FSD1L: variants seen among roughly 807,000 people sequenced by gnomAD.
The protein encoded by FSD1L is FSD1-like protein.
In FSD1L, 45 loss-of-function variants were observed where a neutral mutation model predicts 71.6. The observed-to-expected ratio is 0.63, with a 90% CI of 0.49 to 0.81. FSD1L has a LOEUF of 0.81. Ranked by LOEUF, FSD1L falls within the 30% of genes least tolerant of loss-of-function variation. The pLI is 0.00. For missense variants in FSD1L, 561 were observed against 618.1 expected, an observed-to-expected ratio of 0.91 and a Z score of 0.98; for synonymous variants, 197 against 207.2, an observed-to-expected ratio of 0.95 and a Z score of 0.42.
chr9:105,452,493 A>G (rs1418475846), intron 1 of FSD1L, among the ~76,000 whole-genome samples: 1 of 152,146 alleles, frequency 6.6e-6, no homozygotes, highest in Non-Finnish European at 1.5e-5. Context: ...TAGTTTTTTC[A>G]TTACCACGCT....
At chr9:105,497,932 C>T (rs1397006071) in intron 7 of FSD1L, among the ~76,000 whole-genome samples, 1 of 152,096 alleles carries the variant, frequency 6.6e-6, no homozygotes, top group Non-Finnish European at 1.5e-5. Flanking sequence ...CAGCCTTGAA[C>T]TCCTGGGCTC....
chr9:105,507,753 ATAC>A (rs891012740), intron 8 of FSD1L, among the ~76,000 whole-genome samples: 4 of 152,184 alleles, frequency 2.6e-5, no homozygotes, highest in African/African-American at 7.2e-5. Flanking sequence ...TCTGAGTGAA[ATAC>A]TACTTTTAAT....
At chr9:105,530,273 T>C (rs1327354) in intron 10 of FSD1L, among the ~76,000 whole-genome samples, 85,015 of 151,922 alleles carry the variant, frequency 0.56, 24,073 homozygotes, top group East Asian at 0.71. Flanking sequence ...AGTTAAGTGG[T>C]CAGGGTGTCC....
intron 1 of FSD1L, among the ~76,000 whole-genome samples, chr9:105,451,475 T>G (rs1292259868): frequency 6.6e-6 from 1 of 152,226 alleles, no homozygotes; most frequent in Non-Finnish European, 1.5e-5. Flanking sequence ...GCTGCTTTTT[T>G]GTTTGTGAAA....
At chr9:105,525,353 CACTT>C (rs1835441184) in intron 10 of FSD1L, 2 of 1,591,382 alleles carry the variant, frequency 1.3e-6, no homozygotes, top group Non-Finnish European at 1.7e-6. Flanking sequence ...ACTGGAATCT[CACTT>C]AATATTCCTG....
intron 7 of FSD1L, among the ~76,000 whole-genome samples, chr9:105,486,610 C>G (rs1832565642): frequency 6.6e-6 from 1 of 152,060 alleles, no homozygotes; most frequent in African/African-American, 2.4e-5. Context: ...ACCAGTATGA[C>G]CCTAAAACTT....
chr9:105,527,368 T>A (rs1458063631), intron 10 of FSD1L, among the ~76,000 whole-genome samples: 1 of 152,060 alleles, frequency 6.6e-6, no homozygotes, highest in Non-Finnish European at 1.5e-5. Context: ...AATATGTTGT[T>A]CAAATTATGA....
chr9:105,495,452 C>A (rs1482542732), intron 7 of FSD1L, among the ~76,000 whole-genome samples: 1 of 152,218 alleles, frequency 6.6e-6, no homozygotes, highest in East Asian at 1.9e-4. Flanking sequence ...CTTGCTCTTC[C>A]CGAGTGAGGC....
intron 3 of FSD1L, among the ~76,000 whole-genome samples, chr9:105,465,903 GT>G (rs1831035050): frequency 1.3e-5 from 2 of 149,782 alleles, no homozygotes. Context: ...ACAAAGACTT[GT>G]TCTGTCACCC....
chr9:105,489,075 C>T (rs930422527), intron 7 of FSD1L, among the ~76,000 whole-genome samples: 1 of 152,010 alleles, frequency 6.6e-6, no homozygotes, highest in African/African-American at 2.4e-5. Context: ...ATGACAATGA[C>T]TATATCAGCT....
chr9:105,530,342 T>C lies in FSD1L; in HGVS notation c.1026-4151T>C, dbSNP rs79091371. Among the ~76,000 whole-genome samples the C allele has an allele frequency of 2.5e-3, 387 of 152,234 alleles. 1 individual carries two copies. The highest frequency in any genetic ancestry group is 4.3e-3 in the Non-Finnish European group (295 of 67,996). ...GAGATCATGCTTGACATAAAACTTA[T>C]TATAAGTTGTTTCTTGCAAAAGTGA... On this transcript the variant is annotated intron_variant, in intron 10 of 13. Transcript: ENST00000481272.
chr9:105,452,248 A>G (rs1830053033), intron 1 of FSD1L, among the ~76,000 whole-genome samples: 1 of 152,200 alleles, frequency 6.6e-6, no homozygotes, highest in African/African-American at 2.4e-5. Flanking sequence ...ATAACCAACC[A>G]ACTGTTCCAT....
intron 1 of FSD1L, among the ~76,000 whole-genome samples, chr9:105,452,216 T>C (rs1181204225): frequency 6.6e-6 from 1 of 152,212 alleles, no homozygotes; most frequent in Non-Finnish European, 1.5e-5. Context: ...ACCTTACTAG[T>C]TCTGAGAACC....
chr9:105,448,120 G>C lies in FSD1L; in HGVS notation c.-101G>C, dbSNP rs1333547457. On this transcript the variant is annotated 5_prime_UTR_variant, in exon 1 of 14. Coordinates refer to ENST00000481272, the MANE Select transcript of FSD1L (RefSeq NM_001145313.3). ...GCCGGGCGGTGCCGGTGCGGGCTGG[G>C]GCAGTGCAGTGAGTAGCGGTCTTGG... The C allele has an allele frequency of 7.8e-6, 10 of 1,277,104 alleles. No individual in the cohort carries two copies. Among genetic ancestry groups the C allele is most frequent in the Non-Finnish European group, 1.1e-5 (10 of 904,950 alleles). The allele number at this position is 1,277,104 out of a possible 1,614,324, so 79.1% of individuals were successfully genotyped here. A position where few individuals can be genotyped will look rare whatever the true frequency, so the allele number is the denominator to read the frequency against.
chr9:105,448,870 G>C (rs1381652603), intron 1 of FSD1L, among the ~76,000 whole-genome samples: 2 of 152,192 alleles, frequency 1.3e-5, no homozygotes, highest in African/African-American at 2.4e-5. Context: ...TTACTTAGGG[G>C]TCGTTGTGGA....
chr9:105,488,580 G>A (rs1207578680), intron 7 of FSD1L, among the ~76,000 whole-genome samples: 1 of 152,138 alleles, frequency 6.6e-6, no homozygotes, highest in Non-Finnish European at 1.5e-5. Flanking sequence ...AAATTTTATA[G>A]AAGACTACCA....
intron 6 of FSD1L, among the ~76,000 whole-genome samples, chr9:105,481,176 T>TGTGTGTGTGTGTGTGG (rs1454412244): frequency 2.8e-4 from 35 of 123,190 alleles, no homozygotes; most frequent in Admixed American, 8.1e-4. Context: ...TGTGTGTGTG[T>TGTGTGTGTGTGTGTGG]GTGGTTCTTT....
At chr9:105,521,957 G>A (rs1190699619) in intron 10 of FSD1L, 9 of 1,612,734 alleles carry the variant, frequency 5.6e-6, no homozygotes, top group Non-Finnish European at 7.6e-6. Flanking sequence ...ATCGGTACAT[G>A]GTTGTACAAG....
At chr9:105,483,236 T>A (rs754443078) in intron 6 of FSD1L, among the ~76,000 whole-genome samples, 1 of 152,184 alleles carries the variant, frequency 6.6e-6, no homozygotes, top group Non-Finnish European at 1.5e-5. Context: ...TACTATTAAA[T>A]TATTACTAGT....
Sources: allele counts gnomAD v4.1 joint callset (sites outside exome capture counted in the v4.1 genomes callset), GRCh38; gene constraint gnomAD v4.1.1; transcripts MANE v1.5; gene names NCBI Gene and HGNC (gene_info 2026-07-23, HGNC 2026-07-21).